Variants in PRORP observed in about 807,000 individuals in gnomAD.
PRORP encodes the protein protein only RNase P catalytic subunit.
PRORP carries 51 observed loss-of-function variants against 59.4 expected under a neutral mutation model. That is an observed-to-expected ratio of 0.86 (90% CI 0.69 to 1.08). PRORP has a LOEUF of 1.08. Ranked by LOEUF, PRORP falls within the 50% of genes least tolerant of loss-of-function variation. The pLI is 0.00. For synonymous variants in PRORP, 231 were observed against 245.6 expected, an observed-to-expected ratio of 0.94 and a Z score of 0.55; for missense variants, 646 against 690.3, an observed-to-expected ratio of 0.94 and a Z score of 0.72.
intron 4 of PRORP, among the ~76,000 whole-genome samples, chr14:35,145,986 A>G (rs1454265484): frequency 1.3e-5 from 2 of 151,020 alleles, no homozygotes; most frequent in Non-Finnish European, 3.0e-5. Flanking sequence ...CTGCCACCAC[A>G]CCCGGCTAAT....
intron 5 of PRORP, among the ~76,000 whole-genome samples, chr14:35,249,589 A>G (rs1717486202): frequency 6.6e-6 from 1 of 152,170 alleles, no homozygotes; most frequent in African/African-American, 2.4e-5. Context: ...ACCAAAAAAA[A>G]TGAAATTGAA....
At chr14:35,195,542 A>G (rs990755435) in intron 5 of PRORP, among the ~76,000 whole-genome samples, 7 of 152,128 alleles carry the variant, frequency 4.6e-5, no homozygotes, top group Admixed American at 2.0e-4. Context: ...ATAGTTATGT[A>G]TTTTTACAAA....
At chr14:35,262,687 T>C (rs1490437748) in intron 5 of PRORP, 2 of 799,656 alleles carry the variant, frequency 2.5e-6, no homozygotes, top group Admixed American at 1.7e-5. Flanking sequence ...TGTAGTCATG[T>C]ACAGAACATG....
rs148688951 is a variant in PRORP at position 35,210,857 on chromosome 14, A to G, written c.1275+30080A>G. ...TGGCTCACTGCTGCCTTGATCTCCC[A>G]GACTCAAGCTATCCTCCCACCTCAG... On this transcript the variant is annotated intron_variant, in intron 5 of 7. Transcript: ENST00000534898. Among the ~76,000 whole-genome samples the G allele has an allele frequency of 3.3e-4, 46 of 140,698 alleles. 1 individual carries two copies. In the East Asian group the frequency reaches 9.3e-3, roughly 28 times the overall value. The allele number at this position is 140,698 out of a possible 152,430, so 92.3% of individuals were successfully genotyped here. A position where few individuals can be genotyped will look rare whatever the true frequency, so the allele number is the denominator to read the frequency against.
intron 4 of PRORP, among the ~76,000 whole-genome samples, chr14:35,148,530 G>A (rs2047665519): frequency 6.6e-6 from 1 of 152,212 alleles, no homozygotes; most frequent in Non-Finnish European, 1.5e-5. Context: ...CATAGGCAGA[G>A]GAGATTCAGC....
chr14:35,210,359 T>C (rs1300058967), intron 5 of PRORP, among the ~76,000 whole-genome samples: 1 of 152,226 alleles, frequency 6.6e-6, no homozygotes, highest in African/African-American at 2.4e-5. Flanking sequence ...TTTCATCTTA[T>C]TCTCTGCTTT....
intron 4 of PRORP, among the ~76,000 whole-genome samples, chr14:35,145,238 G>T (rs1356730216): frequency 6.9e-6 from 1 of 144,838 alleles, no homozygotes; most frequent in African/African-American, 2.4e-5. Flanking sequence ...CTCCCAAAGG[G>T]CTGGGATTAC....
chr14:35,204,885 T>C (rs1361246606), intron 5 of PRORP, among the ~76,000 whole-genome samples: 5 of 152,226 alleles, frequency 3.3e-5, no homozygotes, highest in African/African-American at 1.2e-4. Context: ...TAACATTTAT[T>C]AAGAATTTCA....
At chr14:35,134,756 G>C (rs912620371) in intron 4 of PRORP, among the ~76,000 whole-genome samples, 3 of 152,140 alleles carry the variant, frequency 2.0e-5, no homozygotes, top group Admixed American at 6.5e-5. Flanking sequence ...CTGGGCTTAG[G>C]GGAGGTATGG....
At chr14:35,160,394 CATT>C (rs1480193659) in intron 4 of PRORP, among the ~76,000 whole-genome samples, 6 of 152,208 alleles carry the variant, frequency 3.9e-5, no homozygotes, top group African/African-American at 1.4e-4. Flanking sequence ...ACATATTTAA[CATT>C]AGTCAGATTT....
rs572500748 is a variant in PRORP, at chr14:35,227,911, G to A, written c.1276-38816G>A. Among the ~76,000 whole-genome samples the A allele has an allele frequency of 3.3e-5, 5 of 151,746 alleles. No homozygotes were observed. The South Asian group carries it at 6.2e-4, about 19-fold the overall frequency. On this transcript the variant is annotated intron_variant, in intron 5 of 7. Transcript: ENST00000534898. ...TGTAATCCCAGCACTTTGGGAGGCC[G>A]AGGTCGGTGGATCACAAGGTCAGGA...
intron 4 of PRORP, among the ~76,000 whole-genome samples, chr14:35,176,283 C>A (rs1020783888): frequency 6.6e-6 from 1 of 152,094 alleles, no homozygotes; most frequent in African/African-American, 2.4e-5. Context: ...TGAAGAAAGT[C>A]ATTGGTAGCT....
chr14:35,171,963 C>T (rs2048321572), intron 4 of PRORP, among the ~76,000 whole-genome samples: 1 of 151,580 alleles, frequency 6.6e-6, no homozygotes. Flanking sequence ...CTTTTTGGTT[C>T]TGTAATGTTC....
intron 5 of PRORP, among the ~76,000 whole-genome samples, chr14:35,227,430 C>T (rs929844550): frequency 6.6e-6 from 1 of 151,136 alleles, no homozygotes; most frequent in Admixed American, 6.6e-5. Context: ...GGTGACAGAG[C>T]GAGACTCTGT....
intron 5 of PRORP, among the ~76,000 whole-genome samples, chr14:35,194,621 A>G (rs151038879): frequency 1.2e-4 from 18 of 152,290 alleles, no homozygotes; most frequent in African/African-American, 4.3e-4. Flanking sequence ...ACCATGGCAC[A>G]TGTATACCTA....
chr14:35,245,750 T>G lies in PRORP; in HGVS notation c.1276-20977T>G, dbSNP rs112407490. Among the ~76,000 whole-genome samples the G allele has an allele frequency of 1.3e-5, 2 of 152,332 alleles. 1 individual carries two copies. Among genetic ancestry groups the G allele is most frequent in the African/African-American group, 4.8e-5 (2 of 41,586 alleles). On this transcript the variant is annotated intron_variant, in intron 5 of 7. Transcript: ENST00000534898. ...ATCTGGATTAATTGCCCTCTGTATC[T>G]GATACACAGCAATCATCCTGGGATC...
At chr14:35,252,670 A>G (rs1047330966) in intron 5 of PRORP, among the ~76,000 whole-genome samples, 12 of 152,020 alleles carry the variant, frequency 7.9e-5, no homozygotes, top group African/African-American at 2.9e-4. Context: ...CACACCAGCT[A>G]TATCTCATCT....
intron 2 of PRORP, chr14:35,124,528 T>A: frequency 5.3e-6 from 1 of 187,512 alleles, no homozygotes; most frequent in Non-Finnish European, 1.1e-5. Context: ...CTTTTTTCCA[T>A]CTCTTAGTAA....
At chr14:35,262,619 G>T in intron 5 of PRORP, 1 of 739,366 alleles carries the variant, frequency 1.4e-6, no homozygotes, top group Non-Finnish European at 2.5e-6. Flanking sequence ...AAGAAAAGAG[G>T]CTCCAGGTTG....
Sources: gnomAD v4.1 joint callset for allele counts (sites outside exome capture counted in the v4.1 genomes callset) on GRCh38, gnomAD v4.1.1 for gene constraint, MANE v1.5 for transcripts, NCBI Gene and HGNC (gene_info 2026-07-23, HGNC 2026-07-21) for gene names.